CEP192: variants seen among roughly 807,000 people sequenced by gnomAD.
CEP192 encodes centrosomal protein 192, also known as centrosomal protein of 192 kDa.
A neutral mutation model predicts 271.8 loss-of-function variants in CEP192; 151 were observed. That is an observed-to-expected ratio of 0.56 (90% CI 0.49 to 0.64). The LOEUF is 0.64. Ranked by LOEUF, CEP192 falls within the 30% of genes least tolerant of loss-of-function variation. The pLI, the probability that CEP192 is intolerant of heterozygous loss-of-function variation, is 0.00. For missense variants in CEP192, 2,910 were observed against 3,020.5 expected (o/e 0.96, Z 0.86); for synonymous variants, 995 against 1,076.5 (o/e 0.92, Z 1.48).
intron 30 of CEP192, among the ~76,000 whole-genome samples, chr18:13,075,448 C>A (rs987057336): frequency 7.2e-5 from 11 of 152,172 alleles, no homozygotes; most frequent in African/African-American, 2.7e-4. Flanking sequence ...CACCTGTAGT[C>A]CCAGCTACTC....
At chr18:13,050,712 T>C (rs1249608008) in intron 17 of CEP192, among the ~76,000 whole-genome samples, 1 of 152,082 alleles carries the variant, frequency 6.6e-6, no homozygotes, top group Non-Finnish European at 1.5e-5. Context: ...CCCGAGTAGC[T>C]GGAACCACAG....
intron 15 of CEP192, among the ~76,000 whole-genome samples, chr18:13,044,651 C>A (rs2036382196): frequency 6.6e-6 from 1 of 152,146 alleles, no homozygotes; most frequent in Non-Finnish European, 1.5e-5. Flanking sequence ...TTGAAATAAA[C>A]CTCACTAGGG....
intron 44 of CEP192, among the ~76,000 whole-genome samples, chr18:13,118,265 A>C (rs1165685390): frequency 1.4e-5 from 2 of 148,038 alleles, no homozygotes; most frequent in African/African-American, 5.0e-5. Flanking sequence ...TTCATCTTTG[A>C]ATCTTTAAGT....
chr18:13,115,247 A>G (rs1201413398), intron 42 of CEP192, among the ~76,000 whole-genome samples: 3 of 152,310 alleles, frequency 2.0e-5, no homozygotes, highest in East Asian at 3.9e-4. Flanking sequence ...TCGCCAACCC[A>G]GAGCCCACAC....
intron 40 of CEP192, among the ~76,000 whole-genome samples, chr18:13,108,202 G>A (rs1042201672): frequency 1.3e-5 from 2 of 152,082 alleles, no homozygotes; most frequent in Non-Finnish European, 2.9e-5. Context: ...GAATCCTAGA[G>A]GGAAACTTAG....
intron 21 of CEP192, among the ~76,000 whole-genome samples, chr18:13,062,275 A>G (rs1023030560): frequency 3.3e-5 from 5 of 152,228 alleles, no homozygotes; most frequent in African/African-American, 9.6e-5. Flanking sequence ...ATGGTTCAGT[A>G]GGATTTGACT....
chr18:13,109,627 A>G (rs758861358), intron 40 of CEP192, among the ~76,000 whole-genome samples: 1 of 152,186 alleles, frequency 6.6e-6, no homozygotes, highest in Non-Finnish European at 1.5e-5. Flanking sequence ...AAGAAAAAAA[A>G]TTGAAATTAA....
At position 13,042,301 on chromosome 18, in the gene CEP192, T is replaced by C. The variant is rs375511279; in HGVS notation, c.2034T>C (p.Asp678=). 2.0e-5 allele frequency: 32 copies of C among 1,613,966 alleles called. No individual in the cohort carries two copies. The African/African-American group carries it at 3.1e-4, about 15-fold the overall frequency. The part of the protein sequence containing the change: ...VESTSQVDEN[D]VTLTADKGKT... ...GTACTTCACAAGTGGATGAAAATGA[T>C]GTGACGTTAACGGCTGATAAAGGCA... The change falls in exon 15 of 45, where the codon GAT becomes GAC. Residue 678 remains aspartate (D), a synonymous_variant. Transcript: ENST00000506447.
rs150818049 is a variant in CEP192 at position 13,071,077 on chromosome 18, A to C, written c.5213A>C (p.Tyr1738Ser). 1 of 1,613,542 alleles carries C rather than the reference A, an allele frequency of 6.2e-7. No individual in the cohort carries two copies. The highest frequency in any genetic ancestry group is 8.5e-7 in the Non-Finnish European group (1 of 1,179,434). The change falls in exon 28 of 45, where the codon TAT (tyrosine) becomes TCT (serine). Residue 1738 changes from tyrosine (Y) to serine (S), a missense_variant. Coordinates refer to ENST00000506447, the MANE Select transcript of CEP192 (RefSeq NM_032142.4). ...KIFVQPFGPQ[Y>S]EVVLKGEVIS... is the part of the protein sequence containing the mutation. ...TTTGTGCAGCCATTTGGACCTCAGT[A>C]TGAGGTAGTGTTAAAAGGCGAAGTC...
At position 13,015,329 on chromosome 18, in the gene CEP192, T is replaced by A. The variant is rs1446050740; in HGVS notation, c.521T>A (p.Ile174Asn). Residue 174 changes from isoleucine to asparagine, a missense_variant and splice_region_variant, in exon 6 of 45, where the codon ATT (isoleucine) becomes AAT (asparagine). Physicochemically the swap from Ile to Asn is moderately radical, Grantham distance 149. Coordinates refer to ENST00000506447, the MANE Select transcript of CEP192 (RefSeq NM_032142.4). ...QSWMNNKEPK[I>N]VVLDAGKHFE... ...TACTTGCCATTTTGTTTCTTATAGA[T>A]TGTTGTGCTTGATGCTGGAAAACAT... The A allele has an allele frequency of 1.3e-6, 2 of 1,550,668 alleles. No individual in the cohort carries two copies. Among genetic ancestry groups the A allele is most frequent in the African/African-American group, 2.7e-5 (2 of 72,968 alleles).
chr18:13,085,471 T>C (rs916334077), intron 30 of CEP192, among the ~76,000 whole-genome samples: 30 of 152,230 alleles, frequency 2.0e-4, no homozygotes, highest in Non-Finnish European at 3.8e-4. Context: ...TCTTTGCCCA[T>C]GTCTGTGTCC....
chr18:13,006,573 G>T (rs147147661), intron 3 of CEP192, among the ~76,000 whole-genome samples: 1 of 152,280 alleles, frequency 6.6e-6, no homozygotes, highest in East Asian at 1.9e-4. Flanking sequence ...TCTGTAAACT[G>T]TTCCTTTTCT....
intron 44 of CEP192, among the ~76,000 whole-genome samples, chr18:13,118,960 A>C (rs889518575): frequency 6.6e-6 from 1 of 152,222 alleles, no homozygotes. Context: ...GCCCAAGTTT[A>C]AAAATCAGCC....
At chr18:13,032,581 A>T (rs998289699) in intron 11 of CEP192, among the ~76,000 whole-genome samples, 1 of 152,184 alleles carries the variant, frequency 6.6e-6, no homozygotes, top group Non-Finnish European at 1.5e-5. Context: ...CCTGTTTGGC[A>T]GTGTCTTGTA....
rs1349024787 is a variant in CEP192, at chr18:13,048,993, T to A, written c.2202T>A (p.Leu734=). The A allele has an allele frequency of 6.2e-7, 1 of 1,614,054 alleles. No homozygotes were observed. The highest frequency in any genetic ancestry group is 8.5e-7 in the Non-Finnish European group (1 of 1,180,026). The change falls in exon 16 of 45, where the codon CTT becomes CTA. Residue 734 remains leucine (L), a synonymous_variant. Transcript: ENST00000506447. The stretch of plus-strand genomic sequence containing the variant: ...CAGTTAATACTGATCCTTCCCAACT[T>A]GCTGCAATGATCAAGGCACTTTCAA... ...EASVNTDPSQ[L]AAMIKALSNK... is the part of the protein sequence containing the mutation.
At chr18:13,089,785 G>C (rs779381952) in intron 33 of CEP192, among the ~76,000 whole-genome samples, 7 of 152,176 alleles carry the variant, frequency 4.6e-5, no homozygotes, top group Non-Finnish European at 8.8e-5. Context: ...AGCTCATCTA[G>C]CTTTTCATCC....
At chr18:13,113,291 T>G (rs967479446) in intron 40 of CEP192, among the ~76,000 whole-genome samples, 1 of 152,200 alleles carries the variant, frequency 6.6e-6, no homozygotes, top group Non-Finnish European at 1.5e-5. Context: ...CGTGTAGGTG[T>G]TGTGCTTCAC....
At chr18:13,039,326 G>A (rs57430120) in intron 13 of CEP192, among the ~76,000 whole-genome samples, 4,911 of 152,044 alleles carry the variant, frequency 0.032, 104 homozygotes, top group Middle Eastern at 0.051. Flanking sequence ...ATGGTGGTGC[G>A]TGGCTGTAAT....
chr18:13,008,696 C>A (rs2034134458), intron 4 of CEP192, 65 bp downstream of exon 4: 318 of 1,110,606 alleles, frequency 2.9e-4, no homozygotes, highest in Middle Eastern at 4.7e-4. Flanking sequence ...ATTTCCTTAT[C>A]TTTGGATTTT....
Sources: gnomAD v4.1 joint callset for allele counts (sites outside exome capture counted in the v4.1 genomes callset) on GRCh38, gnomAD v4.1.1 for gene constraint, MANE v1.5 for transcripts, NCBI Gene and HGNC (gene_info 2026-07-23, HGNC 2026-07-21) for gene names.